Variants in DNAH14 observed in about 807,000 individuals in gnomAD.
DNAH14 encodes dynein axonemal heavy chain 14.
DNAH14 carries 478 observed loss-of-function variants against 520.9 expected under a neutral mutation model. The ratio of observed to expected loss-of-function variants is 0.92; its 90% CI spans 0.85 to 0.99. The LOEUF (loss-of-function observed/expected upper bound fraction) is 0.99. DNAH14 is among the 50% of genes least tolerant of loss of function. The pLI is 0.00. For missense variants in DNAH14, 4,831 were observed against 5,234.5 expected (o/e 0.92, Z 2.38); for synonymous variants, 1,581 against 1,757.2 (o/e 0.90, Z 2.51).
Position 225,337,297 on chromosome 1 carries a change from A to G in DNAH14, c.10112A>G (p.His3371Arg). 6.4e-7 allele frequency: 1 copy of G among 1,552,012 alleles called. No individual in the cohort carries two copies. Reference sequence around the variant, plus strand: ...CGATGGCATAATCAGGGACTGCCTCATGGTCAGTATTCAGTAGAGAATGCC... The same window carrying G: ...CGATGGCATAATCAGGGACTGCCTCGTGGTCAGTATTCAGTAGAGAATGCC... ...ISRWHNQGLP[H>R]GQYSVENAIL... The change falls in exon 67 of 86, where the codon CAT becomes CGT. Residue 3371 changes from histidine (H) to arginine (R), a missense_variant. His to Arg is a conservative substitution (Grantham distance 29, BLOSUM62 0). Transcript: ENST00000682510.
At chr1:225,191,334 G>A (rs1231409545) in intron 37 of DNAH14, among the ~76,000 whole-genome samples, 1 of 151,878 alleles carries the variant, frequency 6.6e-6, no homozygotes. Flanking sequence ...AGATGGTTTT[G>A]CTGCATATAG....
At chr1:225,138,356 A>G (rs2079143365) in intron 27 of DNAH14, among the ~76,000 whole-genome samples, 1 of 152,178 alleles carries the variant, frequency 6.6e-6, no homozygotes, top group African/African-American at 2.4e-5. Flanking sequence ...TCTCAGTCCT[A>G]TCCCTGGTGG....
chr1:225,204,921 T>C (rs12740354), intron 39 of DNAH14, among the ~76,000 whole-genome samples: 19,432 of 152,182 alleles, frequency 0.13, 1,395 homozygotes, highest in East Asian at 0.31. Context: ...TTAGGCACCA[T>C]TGGTTTCCTT....
chr1:225,258,362 C>G (rs752297306), intron 45 of DNAH14, among the ~76,000 whole-genome samples: 15 of 152,074 alleles, frequency 9.9e-5, no homozygotes, highest in Non-Finnish European at 2.1e-4. Context: ...AGAAGTAGAG[C>G]TATTATATTA....
chr1:225,310,402 A>G (rs558732383), intron 60 of DNAH14, among the ~76,000 whole-genome samples: 1 of 152,330 alleles, frequency 6.6e-6, no homozygotes, highest in South Asian at 2.1e-4. Context: ...TATCACAAAC[A>G]TCACAAAATC....
chr1:225,166,921 G>T (rs1452463440), intron 35 of DNAH14, among the ~76,000 whole-genome samples: 2 of 152,158 alleles, frequency 1.3e-5, no homozygotes, highest in African/African-American at 4.8e-5. Context: ...CATTAGCCAG[G>T]TGGGATAACC....
At chr1:225,107,909 T>A (rs2076205456) in intron 23 of DNAH14, among the ~76,000 whole-genome samples, 1 of 152,184 alleles carries the variant, frequency 6.6e-6, no homozygotes. Context: ...ATAAACACTT[T>A]TTCATATACC....
chr1:225,320,589 A>G (rs1451683384), intron 61 of DNAH14, among the ~76,000 whole-genome samples: 1 of 152,226 alleles, frequency 6.6e-6, no homozygotes, highest in Non-Finnish European at 1.5e-5. Flanking sequence ...TGCAGCAGAG[A>G]CATCTAGCAG....
At chr1:224,952,532 A>AT in intron 1 of DNAH14, 138 bp from the exon 2 acceptor site, 1 of 433,310 alleles carries the variant, frequency 2.3e-6, no homozygotes, top group Non-Finnish European at 4.1e-6. Context: ...TATACTGTAT[A>AT]TAAGAAACAA....
intron 9 of DNAH14, among the ~76,000 whole-genome samples, chr1:225,004,926 C>G (rs2064049799): frequency 6.6e-6 from 1 of 151,974 alleles, no homozygotes; most frequent in Non-Finnish European, 1.5e-5. Flanking sequence ...TGAAAGCATA[C>G]CTTTAAAGAG....
intron 72 of DNAH14, 108 bp downstream of exon 72, chr1:225,351,991 G>A: frequency 3.5e-6 from 3 of 845,076 alleles, no homozygotes; most frequent in South Asian, 1.9e-5. Context: ...AAATTGAAGG[G>A]AGGACTATAA....
chr1:225,159,235 A>G, intron 34 of DNAH14, 79 bp from the exon 35 acceptor site: 2 of 1,205,556 alleles, frequency 1.7e-6, no homozygotes, highest in Middle Eastern at 1.9e-4. Flanking sequence ...CCCCTAAAAC[A>G]GAATGTTAAT....
At chr1:224,930,180 C>G (rs548758719) in intron 1 of DNAH14, among the ~76,000 whole-genome samples, 1 of 152,298 alleles carries the variant, frequency 6.6e-6, no homozygotes, top group South Asian at 2.1e-4. Context: ...GAATAATGAG[C>G]TATTTGAAAA....
At position 224,949,064 on chromosome 1, in the gene DNAH14, A is replaced by T. The variant is rs186732007; in HGVS notation, c.-33-3606A>T. 2.6e-4 allele frequency among the ~76,000 whole-genome samples: 39 copies of T among 151,966 alleles called. No individual in the cohort carries two copies. In the East Asian group the frequency reaches 4.2e-3, roughly 17 times the overall value. On this transcript the variant is annotated intron_variant, in intron 1 of 85. Transcript: ENST00000682510. Reference sequence around the variant, plus strand: ...TTTAGGATAATTTTTACTTGTGTTTATTGATTTTATTTGCCTAGCAATGTC... The same window carrying T: ...TTTAGGATAATTTTTACTTGTGTTTTTTGATTTTATTTGCCTAGCAATGTC...
At chr1:224,999,667 T>G (rs1418868999) in intron 8 of DNAH14, among the ~76,000 whole-genome samples, 1 of 152,186 alleles carries the variant, frequency 6.6e-6, no homozygotes, top group Non-Finnish European at 1.5e-5. Flanking sequence ...TTATTTTTCC[T>G]GCCTTGAACA....
chr1:224,988,466 C>A (rs1047074729), intron 8 of DNAH14, among the ~76,000 whole-genome samples: 1 of 152,104 alleles, frequency 6.6e-6, no homozygotes, highest in Admixed American at 6.6e-5. Flanking sequence ...AGTCAAGAAA[C>A]AACAGATGCT....
chr1:225,381,604 T>TTTTC, intron 81 of DNAH14, 25 bp downstream of exon 81: 1 of 1,475,658 alleles, frequency 6.8e-7, no homozygotes. Flanking sequence ...TTATTTCCTA[T>TTTTC]TTTCTTGCTT....
Position 225,051,460 on chromosome 1 carries a change from C to T in DNAH14, c.2089C>T (p.Leu697Phe), listed in dbSNP as rs949765144. 4.0e-6 allele frequency: 6 copies of T among 1,483,584 alleles called. No individual in the cohort carries two copies. Among genetic ancestry groups the T allele is most frequent in the Middle Eastern group, 3.5e-4 (2 of 5,646 alleles). The allele number at this position is 1,483,584 out of a possible 1,614,324, so 91.9% of individuals were successfully genotyped here. ...ACATTCTTCTTTACAGATTGTGAAT[C>T]TCCTGACTATTATTGGTAATTCAAT... is the stretch of plus-strand genomic sequence containing the variant. ...DPAYQNIIVN[L>F]LTIIGNSMGL... The change falls in exon 17 of 86, where the codon CTC becomes TTC. Residue 697 changes from leucine (L) to phenylalanine (F), a missense_variant. By Grantham distance (22) the Leu-to-Phe change is conservative (BLOSUM62 0). Transcript: ENST00000682510.
chr1:225,036,253 A>G lies in DNAH14; in HGVS notation c.1359-2441A>G, dbSNP rs145348447. The stretch of plus-strand genomic sequence containing the variant: ...CAGGTTCACGCAATTCTCCTGCCTC[A>G]GCCTCCCAAATAGCTGGGATTACAG... On this transcript the variant is annotated intron_variant, in intron 11 of 85. Transcript: ENST00000682510. 1.0e-3 allele frequency among the ~76,000 whole-genome samples: 156 copies of G among 152,248 alleles called. 1 individual carries two copies. The highest frequency in any genetic ancestry group is 3.7e-3 in the African/African-American group (152 of 41,544).
Sources: allele counts gnomAD v4.1 joint callset (sites outside exome capture counted in the v4.1 genomes callset), GRCh38; gene constraint gnomAD v4.1.1; transcripts MANE v1.5; gene names NCBI Gene and HGNC (gene_info 2026-07-23, HGNC 2026-07-21).